PCDHA5: variants seen among roughly 807,000 people sequenced by gnomAD.
The protein encoded by PCDHA5 is protocadherin alpha-5.
Under a neutral mutation model 61.6 loss-of-function variants are expected in PCDHA5, and 43 were observed. That is an observed-to-expected ratio of 0.70 (90% CI 0.55 to 0.90). The LOEUF (loss-of-function observed/expected upper bound fraction) is 0.90, where lower values mean the gene tolerates loss of function less well. Ranked by LOEUF, PCDHA5 falls within the 40% of genes least tolerant of loss-of-function variation. The probability of loss-of-function intolerance (pLI) is 0.00; values close to 1 mark genes in which losing one functional copy is unlikely to be tolerated. For synonymous variants in PCDHA5, 627 were observed against 543.9 expected, an observed-to-expected ratio of 1.15 and a Z score of -2.13; for missense variants, 1,298 against 1,222.7, an observed-to-expected ratio of 1.06 and a Z score of -0.92.
chr5:140,942,990 C>T (rs1460211642), intron 1 of PCDHA5, among the ~76,000 whole-genome samples: 4 of 151,892 alleles, frequency 2.6e-5, no homozygotes, highest in Non-Finnish European at 5.9e-5. Context: ...GGTGTGGTGG[C>T]TCATGCCTGT....
intron 1 of PCDHA5, among the ~76,000 whole-genome samples, chr5:140,833,838 T>G (rs1290459937): frequency 6.6e-6 from 1 of 152,186 alleles, no homozygotes; most frequent in Non-Finnish European, 1.5e-5. Context: ...AGTACAGGAT[T>G]TTTCTTAACA....
intron 3 of PCDHA5, among the ~76,000 whole-genome samples, chr5:141,005,605 G>A (rs1366861614): frequency 7.3e-5 from 11 of 150,146 alleles, no homozygotes; most frequent in African/African-American, 2.7e-4. Context: ...AGGAGGCTGA[G>A]GCAGGAGAAT....
intron 1 of PCDHA5, chr5:140,852,164 G>A (rs1176947336): frequency 2.4e-6 from 2 of 829,782 alleles, no homozygotes; most frequent in Non-Finnish European, 3.0e-6. Context: ...TGAGAATAGA[G>A]CCACAAAAAT....
In PCDHA5 at chr5:140,851,227, T is replaced by C; in HGVS notation, c.2352+27100T>C. On this transcript the variant is annotated intron_variant, in intron 1 of 3. Coordinates refer to ENST00000529859, the MANE Select transcript of PCDHA5 (RefSeq NM_018908.3). ...TCATTAAACATTAACATCACTATCA[T>C]TTATTTATTGCTAAATGATGCATAG... The C allele has an allele frequency of 4.4e-6, 5 of 1,142,852 alleles. 1 individual carries two copies. In the South Asian group the frequency reaches 1.4e-4, roughly 31 times the overall value. The allele number at this position is 1,142,852 out of a possible 1,614,324, so 70.8% of individuals were successfully genotyped here. A position where few individuals can be genotyped will look rare whatever the true frequency, so the allele number is the denominator to read the frequency against.
rs371705947 is a variant in PCDHA5, at chr5:140,967,473, C to T, written c.2353-11476C>T. The T allele has an allele frequency of 6.6e-5, 107 of 1,613,362 alleles. No homozygotes were observed. The highest frequency in any genetic ancestry group is 6.6e-4 in the Middle Eastern group (4 of 6,058). On this transcript the variant is annotated intron_variant, in intron 1 of 3. Coordinates refer to ENST00000529859, the MANE Select transcript of PCDHA5 (RefSeq NM_018908.3). The stretch of plus-strand genomic sequence containing the variant: ...ACAGCCGTGGATGGGGGCATCCCAG[C>T]CCGCTCGGGTACGGCACAGATCTCT...
In PCDHA5 at chr5:140,993,462, T is replaced by C. The variant is rs540334246; in HGVS notation, c.2500+10899T>C. ...CATTCCTGTTCTCCTTCTTTCTTTCTCACACACACACACACACACACACAC... is the reference window on the plus strand; with the variant it reads ...CATTCCTGTTCTCCTTCTTTCTTTCCCACACACACACACACACACACACAC... On this transcript the variant is annotated intron_variant, in intron 3 of 3. Transcript: ENST00000529859. Among the ~76,000 whole-genome samples the C allele has an allele frequency of 4.2e-3, 597 of 141,044 alleles. 4 individuals are homozygous for C. Among genetic ancestry groups the C allele is most frequent in the African/African-American group, 0.015 (577 of 37,966 alleles). 92.5% of individuals were successfully genotyped at this position (141,044 alleles called of 152,430 possible).
chr5:140,910,791 G>A (rs1471299729), intron 1 of PCDHA5, among the ~76,000 whole-genome samples: 2 of 152,140 alleles, frequency 1.3e-5, no homozygotes, highest in Non-Finnish European at 2.9e-5. Context: ...ATTAAATGCA[G>A]AATCCCTGCT....
intron 1 of PCDHA5, chr5:140,869,588 T>C (rs1404476349): frequency 3.7e-6 from 6 of 1,614,114 alleles, no homozygotes; most frequent in East Asian, 2.2e-5. Context: ...GATGCTGACA[T>C]TGAAGAGAAT....
chr5:140,950,086 T>G (rs1178086288), intron 1 of PCDHA5, among the ~76,000 whole-genome samples: 1 of 151,946 alleles, frequency 6.6e-6, no homozygotes, highest in Non-Finnish European at 1.5e-5. Flanking sequence ...TATGCTATAG[T>G]TTTCATTTGT....
At chr5:140,890,237 A>G (rs1554184228) in intron 1 of PCDHA5, among the ~76,000 whole-genome samples, 1 of 152,154 alleles carries the variant, frequency 6.6e-6, no homozygotes, top group East Asian at 1.9e-4. Flanking sequence ...TTAAGCATTT[A>G]CCAGTACACT....
intron 3 of PCDHA5, among the ~76,000 whole-genome samples, chr5:140,989,748 G>A (rs868949345): frequency 1.3e-4 from 20 of 152,192 alleles, no homozygotes; most frequent in African/African-American, 4.8e-4. Context: ...GCCTAATCTG[G>A]AGAAACATAT....
intron 1 of PCDHA5, among the ~76,000 whole-genome samples, chr5:140,941,274 C>T (rs1267060320): frequency 2.7e-3 from 120 of 44,772 alleles, no homozygotes; most frequent in African/African-American, 7.9e-3. Flanking sequence ...TCTTTCTTTC[C>T]TTCCTTCCTT....
At chr5:140,999,486 A>G (rs1282748321) in intron 3 of PCDHA5, among the ~76,000 whole-genome samples, 1 of 152,144 alleles carries the variant, frequency 6.6e-6, no homozygotes, top group Non-Finnish European at 1.5e-5. Context: ...ACTCAAGTCT[A>G]TGTTACCCAA....
At chr5:140,967,921 C>A (rs781932025) in intron 1 of PCDHA5, 3 of 1,614,172 alleles carry the variant, frequency 1.9e-6, no homozygotes, top group Middle Eastern at 3.3e-4. Context: ...CCATTGTGGC[C>A]GTTCTCAGTG....
chr5:140,923,459 G>T (rs549692824), intron 1 of PCDHA5, among the ~76,000 whole-genome samples: 6 of 152,192 alleles, frequency 3.9e-5, no homozygotes, highest in Admixed American at 3.9e-4. Flanking sequence ...GCCCAGAGAG[G>T]TAGGGGCTGC....
At chr5:140,843,593 G>C in intron 1 of PCDHA5, 1 of 1,596,072 alleles carries the variant, frequency 6.3e-7, no homozygotes, top group Non-Finnish European at 8.6e-7. Context: ...GCCGCAGAGG[G>C]TGTGCTCTGG....
At chr5:140,830,154 G>A (rs2150182095) in intron 1 of PCDHA5, 6 of 1,613,332 alleles carry the variant, frequency 3.7e-6, no homozygotes, top group South Asian at 1.1e-5. Context: ...GGCGCCGCGG[G>A]CCCAGAGGCG....
At chr5:140,837,652 CCTTTTTCTTTCATT>C (rs2150143290) in intron 1 of PCDHA5, among the ~76,000 whole-genome samples, 1 of 148,754 alleles carries the variant, frequency 6.7e-6, no homozygotes, top group South Asian at 2.1e-4. Flanking sequence ...TTTCTTTCTT[CCTTTTTCTTTCATT>C]CTTTTTCTTT....
intron 1 of PCDHA5, among the ~76,000 whole-genome samples, chr5:140,906,435 C>T (rs2072652869): frequency 6.6e-6 from 1 of 152,120 alleles, no homozygotes; most frequent in Non-Finnish European, 1.5e-5. Flanking sequence ...ACATGATAAA[C>T]AAGAAAGGAA....
Sources: allele counts gnomAD v4.1 joint callset (sites outside exome capture counted in the v4.1 genomes callset), GRCh38; gene constraint gnomAD v4.1.1; transcripts MANE v1.5; gene names NCBI Gene and HGNC (gene_info 2026-07-23, HGNC 2026-07-21).